The following STK10 variants were observed in gnomAD, a reference collection of about 807,000 sequenced individuals.
The protein encoded by STK10 is serine/threonine kinase 10.
Under a neutral mutation model 113.8 loss-of-function variants are expected in STK10, and 78 were observed. The ratio of observed to expected loss-of-function variants is 0.69; its 90% CI spans 0.57 to 0.83. The LOEUF (loss-of-function observed/expected upper bound fraction) is 0.83, where lower values mean the gene tolerates loss of function less well. Among genes scored for constraint, STK10 ranks in the 40% least tolerant of loss-of-function variants. The pLI, the probability that STK10 is intolerant of heterozygous loss-of-function variation, is 0.00. For synonymous variants in STK10, 465 were observed against 494.7 expected (o/e 0.94, Z 0.80); for missense variants, 1,109 against 1,280.1 (o/e 0.87, Z 2.04).
chr5:172,176,111 T>G (rs532742910), intron 1 of STK10, among the ~76,000 whole-genome samples: 47 of 152,298 alleles, frequency 3.1e-4, no homozygotes, highest in African/African-American at 1.1e-3. Flanking sequence ...GTTGTCTCAT[T>G]TCATCTTCCA....
At chr5:172,139,766 C>T (rs904372407) in intron 2 of STK10, among the ~76,000 whole-genome samples, 6 of 151,986 alleles carry the variant, frequency 3.9e-5, no homozygotes, top group African/African-American at 1.4e-4. Flanking sequence ...CTGAAAACTA[C>T]AAATTGTTGC....
At chr5:172,117,121 G>A (rs1359393964) in intron 4 of STK10, among the ~76,000 whole-genome samples, 1 of 151,392 alleles carries the variant, frequency 6.6e-6, no homozygotes, top group Non-Finnish European at 1.5e-5. Context: ...TCTACTAAAA[G>A]TACAAAAAGT....
At position 172,088,920 on chromosome 5, in the gene STK10, C is replaced by T. The variant is rs116176278; in HGVS notation, c.1685+1312G>A. ...CTGAAAAGTATAAAGCTGATCCTAG[C>T]AAACAGCTTTGCCTCACACCTTCCT... On this transcript the variant is annotated intron_variant, in intron 10 of 18. Coordinates refer to ENST00000176763, the MANE Select transcript of STK10 (RefSeq NM_005990.4). 4.9e-3 allele frequency among the ~76,000 whole-genome samples: 746 copies of T among 152,294 alleles called. 2 individuals are homozygous for T. The highest frequency in any genetic ancestry group is 0.015 in the African/African-American group (639 of 41,550).
chr5:172,186,473 A>C lies in STK10; in HGVS notation c.156+1414T>G, dbSNP rs368580625. 1.3e-4 allele frequency among the ~76,000 whole-genome samples: 19 copies of C among 151,474 alleles called. 1 individual carries two copies. The East Asian group carries it at 2.5e-3, about 20-fold the overall frequency. The stretch of plus-strand genomic sequence containing the variant: ...ACCCCAAGTCTACAAAAAATACAAA[A>C]ATTAGCCGGGCTGTGGTGTGCACCT... On this transcript the variant is annotated intron_variant, in intron 1 of 18. Transcript: ENST00000176763.
In STK10 at chr5:172,057,366, G is replaced by A. The variant is rs1303259777; in HGVS notation, c.2320C>T (p.Leu774=). The A allele has an allele frequency of 6.4e-7, 1 of 1,573,912 alleles. No individual in the cohort carries two copies. ...AGCCTCACCTTCTCATGCTTGCGCAGCAGCTCGTGCCGCTGGAGGAAGTAC... is the reference window on the plus strand; with the variant it reads ...AGCCTCACCTTCTCATGCTTGCGCAACAGCTCGTGCCGCTGGAGGAAGTAC... ...DQYFLQRHEL[L]RKHEKEREQM... Residue 774 remains leucine, a synonymous_variant, in exon 15 of 19, where the codon CTG becomes TTG. Transcript: ENST00000176763.
intron 4 of STK10, among the ~76,000 whole-genome samples, chr5:172,112,288 T>C (rs945999463): frequency 6.6e-5 from 10 of 152,194 alleles, no homozygotes; most frequent in African/African-American, 2.4e-4. Context: ...ATGCATCTTG[T>C]GTGTACATGT....
chr5:172,141,943 CT>C (rs1199641848), intron 2 of STK10, among the ~76,000 whole-genome samples: 1 of 152,176 alleles, frequency 6.6e-6, no homozygotes, highest in East Asian at 1.9e-4. Flanking sequence ...GCCGCAACAC[CT>C]CTAAGGTAAC....
At chr5:172,111,510 G>GC (rs2113770672) in intron 4 of STK10, among the ~76,000 whole-genome samples, 1 of 152,342 alleles carries the variant, frequency 6.6e-6, no homozygotes, top group East Asian at 1.9e-4. Context: ...GAGTGGGGCA[G>GC]CCCCACCTTG....
intron 1 of STK10, among the ~76,000 whole-genome samples, chr5:172,179,235 G>A (rs957990437): frequency 1.3e-5 from 2 of 152,126 alleles, no homozygotes; most frequent in African/African-American, 2.4e-5. Flanking sequence ...ACTCCACTTT[G>A]CAGACACAAG....
At chr5:172,085,738 G>A (rs990025145) in intron 10 of STK10, among the ~76,000 whole-genome samples, 1 of 151,468 alleles carries the variant, frequency 6.6e-6, no homozygotes, top group Non-Finnish European at 1.5e-5. Flanking sequence ...TCATATAATC[G>A]GAAAAAAAGA....
chr5:172,138,457 T>C (rs1769914016), intron 2 of STK10, among the ~76,000 whole-genome samples: 1 of 152,172 alleles, frequency 6.6e-6, no homozygotes, highest in Non-Finnish European at 1.5e-5. Flanking sequence ...AACATAATCT[T>C]ATATGTAGAA....
chr5:172,119,812 G>C (rs10476006), intron 3 of STK10, among the ~76,000 whole-genome samples: 20,423 of 145,540 alleles, frequency 0.14, 1,552 homozygotes, highest in African/African-American at 0.19. Flanking sequence ...TGCAGTGAGC[G>C]GAGATCACGC....
intron 2 of STK10, among the ~76,000 whole-genome samples, chr5:172,132,976 C>T (rs747197126): frequency 2.0e-5 from 3 of 152,148 alleles, no homozygotes; most frequent in Non-Finnish European, 2.9e-5. Flanking sequence ...AAGCAGATAT[C>T]CAGGCTGAGT....
chr5:172,160,407 G>A (rs1414165256), intron 1 of STK10, among the ~76,000 whole-genome samples: 1 of 151,792 alleles, frequency 6.6e-6, no homozygotes, highest in African/African-American at 2.4e-5. Flanking sequence ...CCTGGGAGGT[G>A]GAGGTTGCAG....
At chr5:172,096,947 T>C (rs73801851) in intron 7 of STK10, among the ~76,000 whole-genome samples, 355 of 152,392 alleles carry the variant, frequency 2.3e-3, no homozygotes, top group African/African-American at 8.2e-3. Context: ...CTATTTTCCT[T>C]TTTAAAAGGT....
At chr5:172,179,638 G>A (rs554828626) in intron 1 of STK10, among the ~76,000 whole-genome samples, 2 of 147,768 alleles carry the variant, frequency 1.4e-5, no homozygotes, top group South Asian at 2.1e-4. Context: ...CGTCATCCAC[G>A]GGAAGTTCAG....
In STK10 at chr5:172,082,357, A is replaced by G; in HGVS notation, c.1958T>C (p.Phe653Ser). The change falls in exon 12 of 19, where the codon TTC (phenylalanine) becomes TCC (serine). Residue 653 changes from phenylalanine (F) to serine (S), a missense_variant. Physicochemically the swap from Phe to Ser is radical, Grantham distance 155 (BLOSUM62 -2). Coordinates refer to ENST00000176763, the MANE Select transcript of STK10 (RefSeq NM_005990.4). The surrounding 1 kb of genome is among the most constrained non-coding windows in gnomAD (Gnocchi z 4.3). ...CTTCATCAGTTTGAGCTGCTCTTGG[A>G]ACCTGGTGTAGTCCCGATCCTGCTC... ...RLEQDRDYTR[F>S]QEQLKLMKKE... The G allele has an allele frequency of 1.9e-6, 3 of 1,581,572 alleles. No homozygotes were observed. Among genetic ancestry groups the G allele is most frequent in the Non-Finnish European group, 2.6e-6 (3 of 1,166,770 alleles).
At chr5:172,051,252 A>G (rs1767620095) in intron 18 of STK10, among the ~76,000 whole-genome samples, 1 of 152,188 alleles carries the variant, frequency 6.6e-6, no homozygotes, top group Non-Finnish European at 1.5e-5. Context: ...AAAAAATTAT[A>G]TCTCCACCAG....
Position 172,055,671 on chromosome 5 carries a change from T to G in STK10, c.2443A>C (p.Lys815Gln). The G allele has an allele frequency of 6.3e-7, 1 of 1,586,466 alleles. No homozygotes were observed. The highest frequency in any genetic ancestry group is 8.6e-7 in the Non-Finnish European group (1 of 1,164,626). ...RLPKIQRSEGKTRMAMYKKSL... is the reference protein window; with the variant it reads ...RLPKIQRSEGQTRMAMYKKSL... ...TTCTTGTACATGGCCATGCGCGTCT[T>G]GCCCTCACTCCTCTGGATCTTGGGC... is the stretch of plus-strand genomic sequence containing the variant. The change falls in exon 16 of 19, where the codon AAG becomes CAG. Residue 815 changes from lysine to glutamine, a missense_variant. By Grantham distance (53) the Lys-to-Gln change is moderately conservative. Around this residue, in one of 5 missense-constraint regions of STK10, gnomAD observed 885 missense variants for 991.1 expected, o/e 0.89. Coordinates refer to ENST00000176763, the MANE Select transcript of STK10 (RefSeq NM_005990.4).
Sources: allele counts gnomAD v4.1 joint callset (sites outside exome capture counted in the v4.1 genomes callset), GRCh38; gene constraint gnomAD v4.1.1; regional missense constraint gnomAD v4.1.1; non-coding constraint Gnocchi (gnomAD v3.1); transcripts MANE v1.5; gene names NCBI Gene and HGNC (gene_info 2026-07-23, HGNC 2026-07-21).